TRAPPC3L: variants seen among roughly 807,000 people sequenced by gnomAD.
TRAPPC3L encodes trafficking protein particle complex subunit 3L.
A neutral mutation model predicts 23.7 loss-of-function variants in TRAPPC3L; 23 were observed. The ratio of observed to expected loss-of-function variants is 0.97; its 90% CI spans 0.70 to 1.37. The LOEUF (loss-of-function observed/expected upper bound fraction) is 1.37. Among genes scored for constraint, TRAPPC3L ranks in the 40% most tolerant of loss-of-function variants. The pLI is 0.00. For missense variants in TRAPPC3L, 212 were observed against 216.8 expected, an observed-to-expected ratio of 0.98 and a Z score of 0.14; for synonymous variants, 81 against 77.9, an observed-to-expected ratio of 1.04 and a Z score of -0.21.
intron 3 of TRAPPC3L, among the ~76,000 whole-genome samples, chr6:116,509,735 G>A (rs751513623): frequency 1.2e-4 from 18 of 152,008 alleles, no homozygotes; most frequent in African/African-American, 3.1e-4. Context: ...AGAAGAAAAC[G>A]TAATAAAAAC....
intron 3 of TRAPPC3L, among the ~76,000 whole-genome samples, chr6:116,531,749 T>C (rs1327938428): frequency 6.6e-6 from 1 of 152,122 alleles, no homozygotes; most frequent in Non-Finnish European, 1.5e-5. Flanking sequence ...TATTTGCATT[T>C]TAAATCACAG....
intron 3 of TRAPPC3L, among the ~76,000 whole-genome samples, chr6:116,534,361 C>A (rs1190780608): frequency 1.3e-5 from 2 of 152,136 alleles, no homozygotes; most frequent in African/African-American, 4.8e-5. Context: ...CATGCTGTCT[C>A]CATTCTAAAG....
chr6:116,511,561 T>C, intron 3 of TRAPPC3L: 1 of 755,022 alleles, frequency 1.3e-6, no homozygotes, highest in Non-Finnish European at 2.2e-6. Context: ...AGGAATGACA[T>C]TGTTTCCTTA....
chr6:116,543,851 A>G, intron 1 of TRAPPC3L: 4 of 1,534,020 alleles, frequency 2.6e-6, no homozygotes, highest in African/African-American at 1.4e-5. Flanking sequence ...TTCAGGATAA[A>G]CCCAAATGTA....
intron 3 of TRAPPC3L, among the ~76,000 whole-genome samples, chr6:116,504,770 A>C (rs1295964147): frequency 6.6e-6 from 1 of 152,220 alleles, no homozygotes; most frequent in African/African-American, 2.4e-5. Context: ...CAAAAGCCAC[A>C]TGATTATCTC....
intron 3 of TRAPPC3L, among the ~76,000 whole-genome samples, chr6:116,507,975 A>G (rs1243080389): frequency 6.6e-6 from 1 of 152,196 alleles, no homozygotes; most frequent in Non-Finnish European, 1.5e-5. Flanking sequence ...TCCTAGTCCA[A>G]GGCAATTTCT....
At chr6:116,535,443 C>T (rs1470508544) in intron 3 of TRAPPC3L, among the ~76,000 whole-genome samples, 1 of 152,202 alleles carries the variant, frequency 6.6e-6, no homozygotes, top group African/African-American at 2.4e-5. Context: ...TATTGTCAAG[C>T]CTAGCCTTTA....
At chr6:116,533,654 T>C (rs981266082) in intron 3 of TRAPPC3L, among the ~76,000 whole-genome samples, 8 of 152,264 alleles carry the variant, frequency 5.3e-5, no homozygotes, top group Non-Finnish European at 7.3e-5. Context: ...TAAAACCTGC[T>C]GTTCAATGCC....
chr6:116,529,391 C>CA, intron 3 of TRAPPC3L, among the ~76,000 whole-genome samples: 1 of 152,302 alleles, frequency 6.6e-6, no homozygotes, highest in East Asian at 1.9e-4. Context: ...TTGTAACTAA[C>CA]AGAGTCACAA....
At chr6:116,545,405 C>G in intron 1 of TRAPPC3L, 68 bp downstream of exon 1, 1 of 1,384,724 alleles carries the variant, frequency 7.2e-7, no homozygotes, top group Non-Finnish European at 9.9e-7. Flanking sequence ...TTTTTAAAAT[C>G]AATCAGAAAT....
intron 3 of TRAPPC3L, among the ~76,000 whole-genome samples, chr6:116,501,059 G>A (rs1562335774): frequency 2.0e-5 from 3 of 152,174 alleles, no homozygotes; most frequent in Admixed American, 2.0e-4. Flanking sequence ...GGAAGTGCAA[G>A]GGATCAGGGA....
intron 3 of TRAPPC3L, among the ~76,000 whole-genome samples, chr6:116,525,128 C>G (rs964562075): frequency 6.6e-6 from 1 of 152,164 alleles, no homozygotes; most frequent in African/African-American, 2.4e-5. Context: ...GTTCATATAA[C>G]TTTTCAAAGT....
chr6:116,528,072 A>G (rs183725004), intron 3 of TRAPPC3L, among the ~76,000 whole-genome samples: 14 of 152,378 alleles, frequency 9.2e-5, no homozygotes, highest in African/African-American at 3.4e-4. Context: ...GAAGATGGAC[A>G]TTCATAAGGA....
At chr6:116,507,413 T>C (rs912037381) in intron 3 of TRAPPC3L, among the ~76,000 whole-genome samples, 1 of 152,246 alleles carries the variant, frequency 6.6e-6, no homozygotes, top group African/African-American at 2.4e-5. Context: ...AATTTGAAAA[T>C]GTTAGATAGA....
intron 3 of TRAPPC3L, among the ~76,000 whole-genome samples, chr6:116,500,907 G>A (rs142031847): frequency 2.9e-4 from 44 of 152,292 alleles, no homozygotes; most frequent in African/African-American, 1.0e-3. Context: ...CTAGTCTATA[G>A]CTCCCAGTGA....
chr6:116,532,256 C>CT (rs1042814129), intron 3 of TRAPPC3L, among the ~76,000 whole-genome samples: 2 of 152,118 alleles, frequency 1.3e-5, no homozygotes, highest in South Asian at 2.1e-4. Context: ...TATTTTCTCT[C>CT]TTTTTTGTCT....
chr6:116,527,437 C>A (rs1381177687), intron 3 of TRAPPC3L, among the ~76,000 whole-genome samples: 1 of 149,572 alleles, frequency 6.7e-6, no homozygotes, highest in Non-Finnish European at 1.5e-5. Context: ...ATGGCGTGAA[C>A]CGGGGAGGCG....
chr6:116,521,948 T>C (rs1772350458), intron 3 of TRAPPC3L: 1 of 152,156 alleles, frequency 6.6e-6, no homozygotes, highest in African/African-American at 2.4e-5. Context: ...AAAGCCACTA[T>C]GTAAGAACTG....
intron 4 of TRAPPC3L, among the ~76,000 whole-genome samples, 185 bp from the exon 5 acceptor site, chr6:116,497,258 G>A (rs1286153032): frequency 6.6e-6 from 1 of 152,178 alleles, no homozygotes; most frequent in South Asian, 2.1e-4. Flanking sequence ...TCAGCTCTGT[G>A]GTGTGAATCT....
Sources: allele counts gnomAD v4.1 joint callset (sites outside exome capture counted in the v4.1 genomes callset), GRCh38; gene constraint gnomAD v4.1.1; transcripts MANE v1.5; gene names NCBI Gene and HGNC (gene_info 2026-07-23, HGNC 2026-07-21).